The following HEATR5A variants were observed in gnomAD, a reference collection of about 807,000 sequenced individuals.
HEATR5A encodes HEAT repeat-containing protein 5A.
Under a neutral mutation model 218.8 loss-of-function variants are expected in HEATR5A, and 178 were observed. The ratio of observed to expected loss-of-function variants is 0.81; its 90% CI spans 0.72 to 0.92. The LOEUF (loss-of-function observed/expected upper bound fraction) is 0.92, where lower values mean the gene tolerates loss of function less well. Ranked by LOEUF, HEATR5A falls within the 40% of genes least tolerant of loss-of-function variation. The pLI is 0.00. For missense variants in HEATR5A, 2,420 were observed against 2,418.9 expected (o/e 1.00, Z -0.01); for synonymous variants, 864 against 871.6 (o/e 0.99, Z 0.15).
At chr14:31,412,951 T>C (rs983864592) in intron 1 of HEATR5A, among the ~76,000 whole-genome samples, 4 of 152,210 alleles carry the variant, frequency 2.6e-5, no homozygotes, top group African/African-American at 9.7e-5. Context: ...ATGCTTGTTG[T>C]ACTATATATT....
intron 1 of HEATR5A, among the ~76,000 whole-genome samples, chr14:31,407,460 C>T (rs1265223113): frequency 6.6e-6 from 1 of 152,076 alleles, no homozygotes; most frequent in Non-Finnish European, 1.5e-5. Flanking sequence ...TTATGACTCT[C>T]CATGAATGCA....
intron 6 of HEATR5A, among the ~76,000 whole-genome samples, chr14:31,390,731 C>A (rs2030419875): frequency 6.6e-6 from 1 of 152,060 alleles, no homozygotes; most frequent in Non-Finnish European, 1.5e-5. Context: ...ACTACACTGC[C>A]AGTCATGTAA....
rs768818048 is a variant in HEATR5A at position 31,358,826 on chromosome 14, A to C, written c.2236-14T>G. On this transcript the variant is annotated splice_polypyrimidine_tract_variant and intron_variant, in intron 15 of 35. Transcript: ENST00000543095. ...ACCAAGCAGGAGCTAAAAGGGAAAA[A>C]AAGTATATAAGGTTTTAAAATCACT... 12 of 1,612,716 alleles carry C rather than the reference A, an allele frequency of 7.4e-6. No homozygotes were observed. The African/African-American group carries it at 1.5e-4, about 20-fold the overall frequency.
intron 9 of HEATR5A, among the ~76,000 whole-genome samples, chr14:31,385,916 C>T (rs1053950652): frequency 3.3e-5 from 5 of 151,808 alleles, no homozygotes; most frequent in South Asian, 2.1e-4. Flanking sequence ...TTAGTAGAGA[C>T]GGGGTTTTGC....
chr14:31,294,019 G>A lies in HEATR5A; in HGVS notation c.5705C>T (p.Ala1902Val). ...CTGCAGTTTTTCCATGATACAGGAT[G>A]CTAAAGAGTAAATGTATGGGTAGGA... ...AVSYPYIYSL[A>V]SCIMEKLQEI... is the part of the protein sequence containing the mutation. The change falls in exon 35 of 36, where the codon GCA becomes GTA. Residue 1902 changes from alanine to valine, a missense_variant. Physicochemically the swap from Ala to Val is moderately conservative, Grantham distance 64 (BLOSUM62 0). Transcript: ENST00000543095. 2 of 1,604,384 alleles carry A rather than the reference G, an allele frequency of 1.2e-6. No individual in the cohort carries two copies. Among genetic ancestry groups the A allele is most frequent in the Non-Finnish European group, 1.7e-6 (2 of 1,174,968 alleles).
intron 13 of HEATR5A, among the ~76,000 whole-genome samples, chr14:31,368,083 C>A (rs1595143742): frequency 6.6e-6 from 1 of 152,048 alleles, no homozygotes; most frequent in East Asian, 1.9e-4. Flanking sequence ...GGAGGTAGGG[C>A]CTTTTGGTAG....
At chr14:31,337,105 T>C (rs1165138383) in intron 22 of HEATR5A, among the ~76,000 whole-genome samples, 1 of 152,230 alleles carries the variant, frequency 6.6e-6, no homozygotes, top group East Asian at 1.9e-4. Context: ...GTGCAGTCTG[T>C]TGTTGACCAA....
chr14:31,300,625 C>T (rs1376978275), intron 33 of HEATR5A, among the ~76,000 whole-genome samples: 1 of 152,122 alleles, frequency 6.6e-6, no homozygotes, highest in Non-Finnish European at 1.5e-5. Context: ...CTGGAGCAGT[C>T]CACATTTGAA....
At chr14:31,340,498 A>G (rs1398963227) in intron 21 of HEATR5A, 1 of 1,283,784 alleles carries the variant, frequency 7.8e-7, no homozygotes, top group Non-Finnish European at 1.0e-6. Context: ...CAAATGACAC[A>G]CCAGTCATGA....
intron 21 of HEATR5A, 84 bp downstream of exon 21, chr14:31,343,812 T>C: frequency 8.7e-7 from 1 of 1,150,114 alleles, no homozygotes; most frequent in Non-Finnish European, 1.2e-6. Context: ...GTACATAGTC[T>C]AGAGTATAAT....
chr14:31,300,907 A>G (rs1251689979), intron 33 of HEATR5A, among the ~76,000 whole-genome samples: 1 of 152,198 alleles, frequency 6.6e-6, no homozygotes, highest in Non-Finnish European at 1.5e-5. Context: ...ATTTTTTAAA[A>G]AAAACCAGTT....
intron 33 of HEATR5A, among the ~76,000 whole-genome samples, chr14:31,300,018 A>T (rs1377133202): frequency 6.6e-6 from 1 of 152,130 alleles, no homozygotes; most frequent in Non-Finnish European, 1.5e-5. Flanking sequence ...CCTGGGCAAC[A>T]GAGCGAGACT....
At chr14:31,336,248 ATATATATATATATAT>A (rs1900662925) in intron 22 of HEATR5A, among the ~76,000 whole-genome samples, 1 of 83,774 alleles carries the variant, frequency 1.2e-5, no homozygotes, top group Non-Finnish European at 2.3e-5. Context: ...ATATATATAT[ATATATATATATATAT>A]AATTTTTAAA....
rs187095246 is a variant in HEATR5A at position 31,413,733 on chromosome 14, T to C, written c.-75+6739A>G. 1.3e-3 allele frequency among the ~76,000 whole-genome samples: 202 copies of C among 152,350 alleles called. No individual in the cohort carries two copies. In the Middle Eastern group the frequency reaches 0.014, roughly 10 times the overall value. On this transcript the variant is annotated intron_variant, in intron 1 of 35. Transcript: ENST00000543095. ...AAGATATTATTATTCTAATTTTACA[T>C]AGAAAGATAATGAGCTAAGAAATTT...
intron 22 of HEATR5A, among the ~76,000 whole-genome samples, chr14:31,332,733 C>A (rs149482082): frequency 6.6e-4 from 100 of 152,262 alleles, no homozygotes; most frequent in African/African-American, 2.3e-3. Flanking sequence ...GGCCTGTAAT[C>A]CCAGCACTTT....
At chr14:31,343,359 G>A (rs1303631892) in intron 21 of HEATR5A, among the ~76,000 whole-genome samples, 2 of 152,202 alleles carry the variant, frequency 1.3e-5, no homozygotes, top group Non-Finnish European at 2.9e-5. Context: ...ATGAGCCACT[G>A]CGCCTGGCCA....
rs1456532546 is a variant in HEATR5A at position 31,313,086 on chromosome 14, T to G, written c.4323A>C (p.Gly1441=). Residue 1441 remains glycine, a synonymous_variant, in exon 28 of 36, where the codon GGA becomes GGC. Coordinates refer to ENST00000543095, the MANE Select transcript of HEATR5A (RefSeq NM_015473.4). ...GIRNGSCSSD[G]LLDLVYADLG... ...GATCTGCATAGACTAAGTCAAGCAG[T>G]CCATCTGATGAACATGATCCATTTC... The G allele has an allele frequency of 9.3e-6, 15 of 1,613,394 alleles. No homozygotes were observed. Among genetic ancestry groups the G allele is most frequent in the Non-Finnish European group, 1.1e-5 (13 of 1,179,466 alleles).
At chr14:31,368,988 A>T (rs1687210385) in intron 13 of HEATR5A, among the ~76,000 whole-genome samples, 1 of 152,218 alleles carries the variant, frequency 6.6e-6, no homozygotes, top group Non-Finnish European at 1.5e-5. Flanking sequence ...TTTAATGAAC[A>T]GCTAAAGAAT....
chr14:31,313,028 G>A lies in HEATR5A; in HGVS notation c.4381C>T (p.Leu1461Phe). 1 of 1,614,020 alleles carries A rather than the reference G, an allele frequency of 6.2e-7. No individual in the cohort carries two copies. The highest frequency in any genetic ancestry group is 8.5e-7 in the Non-Finnish European group (1 of 1,179,886). ...GTLSRLWLAA[L>F]QDFALLTLPS... is the part of the protein sequence containing the mutation. ...AAAGTTAAAAGAGCAAAATCCTGAA[G>A]TGCAGCAAGCCAGAGTCTGCTTAGT... is the stretch of plus-strand genomic sequence containing the variant. Residue 1461 changes from leucine to phenylalanine, a missense_variant, in exon 28 of 36, where the codon CTT becomes TTT. Leu to Phe is a conservative substitution (Grantham distance 22). Coordinates refer to ENST00000543095, the MANE Select transcript of HEATR5A (RefSeq NM_015473.4).
Sources: allele counts gnomAD v4.1 joint callset (sites outside exome capture counted in the v4.1 genomes callset), GRCh38; gene constraint gnomAD v4.1.1; transcripts MANE v1.5; gene names NCBI Gene and HGNC (gene_info 2026-07-23, HGNC 2026-07-21).